Variants in MFSD1 observed in about 807,000 individuals in gnomAD.
The protein encoded by MFSD1 is major facilitator superfamily domain containing 1.
A neutral mutation model predicts 67.1 loss-of-function variants in MFSD1; 59 were observed. The ratio of observed to expected loss-of-function variants is 0.88; its 90% CI spans 0.71 to 1.09. The LOEUF (loss-of-function observed/expected upper bound fraction) is 1.09, where lower values mean the gene tolerates loss of function less well. MFSD1 is among the 50% of genes least tolerant of loss of function. MFSD1 has a pLI of 0.00. For missense variants in MFSD1, 552 were observed against 566.1 expected (o/e 0.97, Z 0.25); for synonymous variants, 213 against 200.3 (o/e 1.06, Z -0.54).
At chr3:158,827,505 C>A (rs1227140089) in intron 15 of MFSD1, among the ~76,000 whole-genome samples, 168 bp downstream of exon 15, 1 of 149,938 alleles carries the variant, frequency 6.7e-6, no homozygotes, top group Non-Finnish European at 1.5e-5. Context: ...GCCTCAACTT[C>A]CTCAGCTCAG....
chr3:158,804,842 G>T (rs964190590), intron 2 of MFSD1, among the ~76,000 whole-genome samples: 1 of 152,180 alleles, frequency 6.6e-6, no homozygotes, highest in Non-Finnish European at 1.5e-5. Context: ...GATATTTACA[G>T]TTTTTTGGGT....
chr3:158,816,790 C>T lies in MFSD1; in HGVS notation c.652+2723C>T, dbSNP rs187669721. Among the ~76,000 whole-genome samples, 966 of 150,340 alleles carry T rather than the reference C, an allele frequency of 6.4e-3. 7 individuals are homozygous for T. Among genetic ancestry groups the T allele is most frequent in the Middle Eastern group, 0.014 (4 of 294 alleles). ...AGGGTTTTTATGGTTTTAGGTCTAA[C>T]GTTTAAGTCTTTAATCCATCTTGAA... is the stretch of plus-strand genomic sequence containing the variant. On this transcript the variant is annotated intron_variant, in intron 7 of 15. Transcript: ENST00000415822.
intron 11 of MFSD1, 98 bp downstream of exon 11, chr3:158,822,238 C>T (rs1730720241): frequency 8.8e-7 from 1 of 1,136,184 alleles, no homozygotes; most frequent in Non-Finnish European, 1.2e-6. Flanking sequence ...GATGACAAGG[C>T]CTATGATAGT....
At chr3:158,820,780 A>G (rs758570556) in intron 9 of MFSD1, among the ~76,000 whole-genome samples, 4 of 152,196 alleles carry the variant, frequency 2.6e-5, no homozygotes, top group Non-Finnish European at 4.4e-5. Flanking sequence ...CTCACTCACT[A>G]TCACGAGAAC....
chr3:158,820,723 G>T (rs952068486), intron 9 of MFSD1, among the ~76,000 whole-genome samples: 1 of 152,166 alleles, frequency 6.6e-6, no homozygotes, highest in South Asian at 2.1e-4. Context: ...ATGAGTGCCA[G>T]CAGGGGAAAT....
At chr3:158,813,152 C>CTT (rs899632957) in intron 6 of MFSD1, among the ~76,000 whole-genome samples, 4 of 129,582 alleles carry the variant, frequency 3.1e-5, no homozygotes, top group Admixed American at 7.7e-5. Context: ...ATGCTTTCTT[C>CTT]TTTTTTTTTT....
chr3:158,822,810 T>G (rs1188721806), intron 11 of MFSD1: 2 of 154,190 alleles, frequency 1.3e-5, no homozygotes, highest in African/African-American at 4.8e-5. Flanking sequence ...TACCCATTTA[T>G]AACTTTAGTA....
At chr3:158,816,926 G>A (rs895603982) in intron 7 of MFSD1, among the ~76,000 whole-genome samples, 1 of 150,872 alleles carries the variant, frequency 6.6e-6, no homozygotes, top group Non-Finnish European at 1.5e-5. Context: ...CCCATTGCTT[G>A]TTTTTCTCAG....
chr3:158,821,703 C>T (rs777554268), intron 10 of MFSD1, 50 bp downstream of exon 10: 1 of 1,415,812 alleles, frequency 7.1e-7, no homozygotes, highest in Non-Finnish European at 9.8e-7. Context: ...AAGTATGGGT[C>T]TTTATAATCA....
intron 7 of MFSD1, among the ~76,000 whole-genome samples, chr3:158,819,321 T>C (rs2615055): frequency 0.55 from 83,411 of 152,090 alleles, 23,938 homozygotes; most frequent in African/African-American, 0.68. Context: ...AATGAAGAAA[T>C]GAGGACTACA....
In MFSD1 at chr3:158,814,064, A is replaced by T. The variant is rs1363756143; in HGVS notation, c.649A>T (p.Ile217Phe). Residue 217 changes from isoleucine to phenylalanine, a missense_variant, in exon 7 of 16, where the codon ATT becomes TTT. Transcript: ENST00000415822. ...GHTTLGITLM[I>F]GGITCILSLI... ...CACAACCCTCGGGATCACACTTATG[A>T]TTGGTGAGTGAATCCCATGTCCCAC... The T allele has an allele frequency of 6.2e-7, 1 of 1,611,344 alleles. No homozygotes were observed. Among genetic ancestry groups the T allele is most frequent in the Admixed American group, 1.7e-5 (1 of 59,938 alleles).
rs747019829 is a variant in MFSD1 at position 158,802,182 on chromosome 3, G to T, written c.30G>T (p.Ala10=). 19 of 1,612,074 alleles carry T rather than the reference G, an allele frequency of 1.2e-5. No homozygotes were observed. The highest frequency in any genetic ancestry group is 1.6e-5 in the Non-Finnish European group (19 of 1,179,494). Residue 10 remains alanine, a synonymous_variant, in exon 1 of 16, where the codon GCG becomes GCT. Coordinates refer to ENST00000415822, the MANE Select transcript of MFSD1 (RefSeq NM_022736.4). ...AGGAGGAGGATGAGGAAGCGCGGGC[G>T]CTCCTGGCAGGCGGCCCTGACGAGG... The part of the protein sequence containing the change: MEEEDEEAR[A]LLAGGPDEAD...
Position 158,802,235 on chromosome 3 carries a change from G to A in MFSD1, c.83G>A (p.Gly28Glu). Residue 28 changes from glycine (G) to glutamate (E), a missense_variant, in exon 1 of 16, where the codon GGA becomes GAA. Transcript: ENST00000415822. Reference protein sequence around the residue: ...EADRGAPAAPGALPALCDPSR... With the variant: ...EADRGAPAAPEALPALCDPSR... ...GACAGAGGTGCCCCGGCCGCCCCTG[G>A]AGCCCTGCCGGCCCTCTGCGACCCC... is the stretch of plus-strand genomic sequence containing the variant. The A allele has an allele frequency of 6.2e-7, 1 of 1,611,316 alleles. No homozygotes were observed. The highest frequency in any genetic ancestry group is 8.5e-7 in the Non-Finnish European group (1 of 1,178,974).
intron 15 of MFSD1, among the ~76,000 whole-genome samples, chr3:158,828,365 GT>G (rs571536873): frequency 6.6e-5 from 10 of 152,026 alleles, no homozygotes; most frequent in African/African-American, 2.4e-4. Context: ...AGAACAGTCT[GT>G]TTTTTTGAGA....
At chr3:158,819,625 T>C in intron 7 of MFSD1, 24 bp from the exon 8 acceptor site, 1 of 1,178,090 alleles carries the variant, frequency 8.5e-7, no homozygotes, top group Non-Finnish European at 1.1e-6. Flanking sequence ...AGTCTGTTTT[T>C]CTTTTTTTTT....
In MFSD1 at chr3:158,825,913, A is replaced by G. The variant is rs149573144; in HGVS notation, c.1289-102A>G. On this transcript the variant is annotated intron_variant, in intron 13 of 15. Transcript: ENST00000415822. ...ATTTTTATTTAAAATAGCAATTAATAAAGGTTTGATTGTGTCTAAGCTTTG... is the reference window on the plus strand; with the variant it reads ...ATTTTTATTTAAAATAGCAATTAATGAAGGTTTGATTGTGTCTAAGCTTTG... The G allele has an allele frequency of 9.2e-4, 776 of 842,194 alleles. 11 individuals are homozygous for G. In the East Asian group the frequency reaches 0.018, roughly 20 times the overall value. The allele number at this position is 842,194 out of a possible 1,614,324, so 52.2% of individuals were successfully genotyped here.
At position 158,820,354 on chromosome 3, in the gene MFSD1, T is replaced by A. The variant is rs1226570958; in HGVS notation, c.863+28T>A. On this transcript the variant is annotated intron_variant, in intron 9 of 15. Transcript: ENST00000415822. ...GAGTATTCTCTATGTTTCCATTATT[T>A]CTTGTCTAAATTATCATGAGAGTTC... 7 of 1,450,086 alleles carry A rather than the reference T, an allele frequency of 4.8e-6. No homozygotes were observed. The East Asian group carries it at 1.6e-4, about 33-fold the overall frequency. The allele number at this position is 1,450,086 out of a possible 1,614,324, so 89.8% of individuals were successfully genotyped here.
intron 6 of MFSD1, among the ~76,000 whole-genome samples, chr3:158,812,135 A>G (rs1275063404): frequency 6.6e-6 from 1 of 152,208 alleles, no homozygotes; most frequent in Non-Finnish European, 1.5e-5. Context: ...TGAGAAGTGC[A>G]CTGAAGGTAT....
At position 158,807,381 on chromosome 3, in the gene MFSD1, A is replaced by C; in HGVS notation, c.373-15A>C. The C allele has an allele frequency of 6.2e-7, 1 of 1,602,674 alleles. No homozygotes were observed. ...TTACTTTTTCATTAATTTGACATGA[A>C]CTTCTACATTATAGGTTGTTTTTGC... On this transcript the variant is annotated splice_polypyrimidine_tract_variant and intron_variant, in intron 4 of 15. Coordinates refer to ENST00000415822, the MANE Select transcript of MFSD1 (RefSeq NM_022736.4).
Sources: gnomAD v4.1 joint callset for allele counts (sites outside exome capture counted in the v4.1 genomes callset) on GRCh38, gnomAD v4.1.1 for gene constraint, MANE v1.5 for transcripts, NCBI Gene and HGNC (gene_info 2026-07-23, HGNC 2026-07-21) for gene names.